The following TENM3 variants were observed in gnomAD, a reference collection of about 807,000 sequenced individuals.
The protein encoded by TENM3 is teneurin-3.
In TENM3, 63 loss-of-function variants were observed where a neutral mutation model predicts 255.1. The ratio of observed to expected loss-of-function variants is 0.25; its 90% confidence interval spans 0.20 to 0.30. The LOEUF is 0.30. Ranked by LOEUF, TENM3 falls within the 10% of genes least tolerant of loss-of-function variation. The pLI is 1.00. For synonymous variants in TENM3, 1,306 were observed against 1,322.3 expected (o/e 0.99, Z 0.27); for missense variants, 2,929 against 3,461.1 (o/e 0.85, Z 3.86).
At chr4:181,770,298 C>T in the TENM3 span, among the ~76,000 whole-genome samples, 1 of 152,264 alleles carries the variant, frequency 6.6e-6, no homozygotes, top group Non-Finnish European at 1.5e-5. Flanking sequence ...AATTGGCTTA[C>T]ATTACGATTG....
chr4:182,799,569 G>A lies in TENM3; in HGVS notation c.7345-27G>A, dbSNP rs1011680276. 8 of 1,529,768 alleles carry A rather than the reference G, an allele frequency of 5.2e-6. No individual in the cohort carries two copies. The highest frequency in any genetic ancestry group is 6.1e-6 in the Non-Finnish European group (7 of 1,144,866). 94.8% of individuals were successfully genotyped at this position (1,529,768 alleles called of 1,614,324 possible). On this transcript the variant is annotated intron_variant, in intron 27 of 27. Coordinates refer to ENST00000511685, the MANE Select transcript of TENM3 (RefSeq NM_001080477.4). The surrounding 1 kb of genome is among the most constrained non-coding windows in gnomAD (Gnocchi z 4.2). ...GGGGAGGCTCCCGGCCGCCTCTGAC[G>A]CGCCCCCTCTTTTGTTTCGCCCGCA...
At chr4:182,173,624 G>A (rs1752250591) in intron 1 of TENM3, among the ~76,000 whole-genome samples, 2 of 152,180 alleles carry the variant, frequency 1.3e-5, no homozygotes, top group African/African-American at 4.8e-5. Context: ...AGCCTATACC[G>A]AAGGCTGTGA....
chr4:182,264,587 G>C (rs58221497), intron 1 of TENM3, among the ~76,000 whole-genome samples: 5,895 of 152,286 alleles, frequency 0.039, 156 homozygotes, highest in South Asian at 0.062. Context: ...TAAGGTTTTT[G>C]CCCTTTCCCA....
intron 1 of TENM3, among the ~76,000 whole-genome samples, chr4:182,172,898 G>T (rs941232782): frequency 1.3e-5 from 2 of 152,100 alleles, no homozygotes; most frequent in African/African-American, 4.8e-5. Flanking sequence ...ATTAGGAAAT[G>T]GATATGCCCA....
At chr4:181,921,545 T>C in the TENM3 span, among the ~76,000 whole-genome samples, 5 of 152,228 alleles carry the variant, frequency 3.3e-5, no homozygotes, top group African/African-American at 9.6e-5. Flanking sequence ...TGTCTGTTAT[T>C]GGTGTATAAG....
the TENM3 span, among the ~76,000 whole-genome samples, chr4:181,888,506 A>G: frequency 2.4e-4 from 7 of 29,162 alleles, no homozygotes; most frequent in South Asian, 1.4e-3. Flanking sequence ...ATATATATAT[A>G]TATATATATG....
At chr4:182,691,975 C>G (rs1389420862) in intron 12 of TENM3, among the ~76,000 whole-genome samples, 3 of 148,162 alleles carry the variant, frequency 2.0e-5, no homozygotes, top group African/African-American at 7.5e-5. Flanking sequence ...TACTCATGTG[C>G]TGCCACTGTT....
chr4:182,198,643 A>G (rs1008705471), intron 1 of TENM3, among the ~76,000 whole-genome samples: 4 of 152,232 alleles, frequency 2.6e-5, no homozygotes, highest in Non-Finnish European at 4.4e-5. Context: ...GTCAGCGGCA[A>G]TGGAAATAGG....
intron 3 of TENM3, among the ~76,000 whole-genome samples, chr4:182,569,570 AAAAAG>A (rs1232967148): frequency 7.2e-5 from 11 of 152,066 alleles, no homozygotes; most frequent in South Asian, 6.2e-4. Context: ...AGAAAAAAAA[AAAAAG>A]AAAGAAAGGA....
chr4:182,081,483 C>G, the TENM3 span, among the ~76,000 whole-genome samples: 1 of 149,628 alleles, frequency 6.7e-6, no homozygotes, highest in African/African-American at 2.5e-5. Flanking sequence ...ACTCGGGAGG[C>G]TGAGGCAGAA....
chr4:182,316,859 G>C (rs141886946), intron 1 of TENM3, among the ~76,000 whole-genome samples: 27 of 152,236 alleles, frequency 1.8e-4, no homozygotes, highest in African/African-American at 6.5e-4. Flanking sequence ...CTAATTGTGA[G>C]GGTCTTCTGG....
chr4:181,473,935 A>T, the TENM3 span, among the ~76,000 whole-genome samples: 2 of 150,384 alleles, frequency 1.3e-5, no homozygotes, highest in African/African-American at 4.9e-5. Context: ...TGTATATATA[A>T]AAATATACTG....
intron 3 of TENM3, among the ~76,000 whole-genome samples, chr4:182,407,713 G>T (rs556950506): frequency 5.3e-5 from 8 of 152,266 alleles, no homozygotes; most frequent in African/African-American, 1.7e-4. Context: ...TTGCTGTAAT[G>T]AAATTGACAT....
chr4:182,652,856 C>G (rs1484112893), intron 5 of TENM3, among the ~76,000 whole-genome samples: 1 of 152,074 alleles, frequency 6.6e-6, no homozygotes, highest in African/African-American at 2.4e-5. Flanking sequence ...AATATTTAAC[C>G]TTCCTTAGGG....
the TENM3 span, among the ~76,000 whole-genome samples, chr4:181,854,221 T>C: frequency 6.6e-6 from 1 of 152,202 alleles, no homozygotes; most frequent in Admixed American, 6.5e-5. Flanking sequence ...GTAGCCTGGA[T>C]GGAAGTTTTA....
the TENM3 span, among the ~76,000 whole-genome samples, chr4:181,695,748 G>A: frequency 1.3e-5 from 2 of 152,258 alleles, no homozygotes; most frequent in South Asian, 2.1e-4. Context: ...AAAGTACTTC[G>A]TTAAGCAGAG....
the TENM3 span, among the ~76,000 whole-genome samples, chr4:181,935,679 G>A: frequency 3.3e-5 from 5 of 152,116 alleles, no homozygotes; most frequent in African/African-American, 9.7e-5. Flanking sequence ...CCTGGATCCT[G>A]TGCCTTTACC....
the TENM3 span, among the ~76,000 whole-genome samples, chr4:182,099,980 A>T: frequency 6.6e-6 from 1 of 152,096 alleles, no homozygotes; most frequent in Admixed American, 6.5e-5. Flanking sequence ...GTCCCGCAAG[A>T]CTTGATCCAC....
the TENM3 span, among the ~76,000 whole-genome samples, chr4:181,916,682 C>G: frequency 2.2e-4 from 33 of 152,052 alleles, no homozygotes; most frequent in South Asian, 6.3e-4. Context: ...ATCGAGACCA[C>G]CCTGGCCAAC....
Sources: allele counts gnomAD v4.1 joint callset (sites outside exome capture counted in the v4.1 genomes callset), GRCh38; gene constraint gnomAD v4.1.1; non-coding constraint Gnocchi (gnomAD v3.1); transcripts MANE v1.5; gene names NCBI Gene and HGNC (gene_info 2026-07-23, HGNC 2026-07-21).